MFN1: variants seen among roughly 807,000 people sequenced by gnomAD.
MFN1 encodes mitofusin 1, also known as mitofusin-1.
In MFN1, 65 loss-of-function variants were observed where a neutral mutation model predicts 92.4. That is an observed-to-expected ratio of 0.70 (90% CI 0.58 to 0.86). The LOEUF (loss-of-function observed/expected upper bound fraction) is 0.86. Among genes scored for constraint, MFN1 ranks in the 40% least tolerant of loss-of-function variants. The probability of loss-of-function intolerance (pLI) is 0.00; values close to 1 mark genes in which losing one functional copy is unlikely to be tolerated. For missense variants in MFN1, 781 were observed against 868.0 expected, an observed-to-expected ratio of 0.90 and a Z score of 1.26; for synonymous variants, 297 against 300.9, an observed-to-expected ratio of 0.99 and a Z score of 0.13.
chr3:179,359,188 T>A (rs1712467576), intron 4 of MFN1, among the ~76,000 whole-genome samples, 186 bp downstream of exon 4: 1 of 152,080 alleles, frequency 6.6e-6, no homozygotes, highest in African/African-American at 2.4e-5. Flanking sequence ...TGGCACAATC[T>A]CGGCTCACCG....
At chr3:179,360,989 T>A (rs2108530716) in intron 4 of MFN1, among the ~76,000 whole-genome samples, 1 of 152,212 alleles carries the variant, frequency 6.6e-6, no homozygotes, top group East Asian at 1.9e-4. Flanking sequence ...CCAAGCATAG[T>A]GGCGCATACC....
chr3:179,379,866 T>C (rs1442860062), intron 14 of MFN1, among the ~76,000 whole-genome samples: 2 of 152,124 alleles, frequency 1.3e-5, no homozygotes, highest in Non-Finnish European at 2.9e-5. Flanking sequence ...AGTTGTTCTT[T>C]AGGACTAAAC....
chr3:179,375,264 C>A lies in MFN1; in HGVS notation c.1020C>A (p.His340Gln). 6.2e-7 allele frequency: 1 copy of A among 1,613,860 alleles called. No individual in the cohort carries two copies. The highest frequency in any genetic ancestry group is 8.5e-7 in the Non-Finnish European group (1 of 1,179,896). The change falls in exon 10 of 18, where the codon CAC becomes CAA. Residue 340 changes from histidine to glutamine, a missense_variant. Physicochemically the swap from His to Gln is conservative, Grantham distance 24. Transcript: ENST00000471841. ...CAGTGAAAACAAAGTTCGAACAGCA[C>A]ACTATCAGAGCTAAACAGATACTAG... is the stretch of plus-strand genomic sequence containing the variant. ...QSAVKTKFEQ[H>Q]TIRAKQILAT...
rs772715781 is a variant in MFN1 at position 179,348,740 on chromosome 3, A to G, written c.-7-105A>G. 3.7e-5 allele frequency: 55 copies of G among 1,492,198 alleles called. No individual in the cohort carries two copies. In the South Asian group the frequency reaches 6.5e-4, roughly 18 times the overall value. 92.4% of individuals were successfully genotyped at this position (1,492,198 alleles called of 1,614,324 possible). On this transcript the variant is annotated intron_variant, in intron 1 of 17. Coordinates refer to ENST00000471841, the MANE Select transcript of MFN1 (RefSeq NM_033540.3). Reference sequence around the variant, plus strand: ...AATTACCTAAAAACATTTTGCCAGCATAATTTATTTCATTGGGGAGTTGAT... The same window carrying G: ...AATTACCTAAAAACATTTTGCCAGCGTAATTTATTTCATTGGGGAGTTGAT...
intron 14 of MFN1, among the ~76,000 whole-genome samples, chr3:179,379,308 C>T (rs946244380): frequency 7.2e-5 from 11 of 152,182 alleles, no homozygotes; most frequent in Admixed American, 5.9e-4. Context: ...TCTTTACTTC[C>T]TGTCTTTTCT....
At chr3:179,375,199 T>C (rs1405379455) in intron 9 of MFN1, 21 bp from the exon 10 acceptor site, 1 of 1,598,554 alleles carries the variant, frequency 6.3e-7, no homozygotes, top group African/African-American at 1.3e-5. Flanking sequence ...AGTAATGTGT[T>C]ACGGCTTGGG....
At chr3:179,381,187 G>A (rs1713452589) in intron 14 of MFN1, among the ~76,000 whole-genome samples, 1 of 152,240 alleles carries the variant, frequency 6.6e-6, no homozygotes, top group African/African-American at 2.4e-5. Flanking sequence ...AGAGCAGCAT[G>A]TATTCATAAC....
intron 10 of MFN1, among the ~76,000 whole-genome samples, chr3:179,376,272 C>A (rs1053095404): frequency 1.3e-5 from 2 of 152,184 alleles, no homozygotes; most frequent in African/African-American, 4.8e-5. Context: ...TCCGTGTGGC[C>A]TCTGTTTAAT....
chr3:179,352,699 A>T (rs1712193682), intron 3 of MFN1, among the ~76,000 whole-genome samples: 1 of 152,150 alleles, frequency 6.6e-6, no homozygotes, highest in Non-Finnish European at 1.5e-5. Flanking sequence ...CTGGTATGCC[A>T]TTCCATGCAT....
intron 10 of MFN1, 77 bp downstream of exon 10, chr3:179,375,418 T>A: frequency 6.4e-7 from 1 of 1,556,974 alleles, no homozygotes; most frequent in Non-Finnish European, 8.8e-7. Flanking sequence ...TTTTAAATTG[T>A]TGTACTATAA....
chr3:179,351,096 C>T (rs1351172406), intron 2 of MFN1, among the ~76,000 whole-genome samples: 2 of 152,180 alleles, frequency 1.3e-5, no homozygotes, highest in African/African-American at 2.4e-5. Context: ...TGAGCCCCCA[C>T]GCCCACATGA....
At chr3:179,374,165 T>C (rs1713130211) in intron 9 of MFN1, among the ~76,000 whole-genome samples, 1 of 151,006 alleles carries the variant, frequency 6.6e-6, no homozygotes, top group Admixed American at 6.6e-5. Flanking sequence ...TAGCCAGGCA[T>C]AGTGGTGCAT....
At chr3:179,359,371 C>T (rs1477106528) in intron 4 of MFN1, among the ~76,000 whole-genome samples, 4 of 150,978 alleles carry the variant, frequency 2.6e-5, no homozygotes, top group Middle Eastern at 3.4e-3. Context: ...CCACCCACCT[C>T]GGCCTCCCAA....
intron 3 of MFN1, among the ~76,000 whole-genome samples, chr3:179,357,186 C>T (rs901291513): frequency 6.6e-6 from 1 of 152,148 alleles, no homozygotes; most frequent in Non-Finnish European, 1.5e-5. Context: ...AATGTCAGAG[C>T]TCCTGTCTAT....
chr3:179,385,601 T>C lies in MFN1; in HGVS notation c.1695T>C (p.Ala565=), dbSNP rs1344571214. The change falls in exon 15 of 18, where the codon GCT becomes GCC. Residue 565 remains alanine, a synonymous_variant. Transcript: ENST00000471841. ...GATCTTTAGCTTCTACTCCCACTGC[T>C]CCTACCACTCCAGCAACGCCAGATA... ...LPRSLASTPT[A]PTTPATPDNA... 2 of 1,613,182 alleles carry C rather than the reference T, an allele frequency of 1.2e-6. No homozygotes were observed. Among genetic ancestry groups the C allele is most frequent in the Non-Finnish European group, 1.7e-6 (2 of 1,179,860 alleles).
intron 5 of MFN1, among the ~76,000 whole-genome samples, chr3:179,363,172 C>T (rs1454069736): frequency 1.3e-5 from 2 of 152,174 alleles, no homozygotes; most frequent in Non-Finnish European, 2.9e-5. Flanking sequence ...GGCGCAGTGT[C>T]AGCTTGCTGC....
intron 4 of MFN1, among the ~76,000 whole-genome samples, chr3:179,361,641 A>G (rs759416538): frequency 6.6e-6 from 1 of 151,770 alleles, no homozygotes; most frequent in Non-Finnish European, 1.5e-5. Context: ...GGTTCAAGCA[A>G]TTCTCCTGTC....
chr3:179,354,193 T>A (rs1287555415), intron 3 of MFN1, among the ~76,000 whole-genome samples: 2 of 152,048 alleles, frequency 1.3e-5, no homozygotes, highest in Admixed American at 6.6e-5. Context: ...GAATGAGAAA[T>A]AGGTATAGCT....
intron 14 of MFN1, among the ~76,000 whole-genome samples, chr3:179,381,210 AG>A (rs1279533197): frequency 6.6e-6 from 1 of 152,226 alleles, no homozygotes; most frequent in Non-Finnish European, 1.5e-5. Flanking sequence ...AACAAGAAAT[AG>A]GTTTATAAAA....
Sources: gnomAD v4.1 joint callset for allele counts (sites outside exome capture counted in the v4.1 genomes callset) on GRCh38, gnomAD v4.1.1 for gene constraint, MANE v1.5 for transcripts, NCBI Gene and HGNC (gene_info 2026-07-23, HGNC 2026-07-21) for gene names.